Variants in BMPER observed in about 807,000 individuals in gnomAD.
The protein encoded by BMPER is BMP-binding endothelial regulator protein.
A neutral mutation model predicts 87.3 loss-of-function variants in BMPER; 45 were observed. The observed-to-expected ratio is 0.52, with a 90% confidence interval of 0.41 to 0.66. BMPER has a LOEUF of 0.66. Among genes scored for constraint, BMPER ranks in the 30% least tolerant of loss-of-function variants. The pLI, the probability that BMPER is intolerant of heterozygous loss-of-function variation, is 0.00. For synonymous variants in BMPER, 326 were observed against 316.2 expected, an observed-to-expected ratio of 1.03 and a Z score of -0.33; for missense variants, 784 against 867.5, an observed-to-expected ratio of 0.90 and a Z score of 1.21.
intron 11 of BMPER, among the ~76,000 whole-genome samples, chr7:34,072,508 T>G (rs1457683064): frequency 6.6e-6 from 1 of 151,842 alleles, no homozygotes; most frequent in Non-Finnish European, 1.5e-5. Context: ...TTCCTCCAGC[T>G]TCAAACTTGC....
intron 7 of BMPER, among the ~76,000 whole-genome samples, chr7:34,047,760 C>T (rs984676840): frequency 1.1e-4 from 2 of 18,160 alleles, no homozygotes; most frequent in South Asian, 3.9e-3. Context: ...CTTGGTGTTT[C>T]TGCTCCTGCT....
intron 6 of BMPER, among the ~76,000 whole-genome samples, chr7:34,013,745 T>G (rs1014304301): frequency 1.3e-5 from 2 of 151,850 alleles, no homozygotes; most frequent in African/African-American, 4.8e-5. Flanking sequence ...GGGTTAAGTT[T>G]GATTTGTGGG....
chr7:34,087,589 T>C (rs1414895778), intron 13 of BMPER, among the ~76,000 whole-genome samples: 1 of 152,208 alleles, frequency 6.6e-6, no homozygotes, highest in Non-Finnish European at 1.5e-5. Flanking sequence ...ATTATGAACA[T>C]GAATGCATGT....
intron 6 of BMPER, among the ~76,000 whole-genome samples, chr7:34,020,135 G>T (rs1018690028): frequency 2.6e-5 from 4 of 151,840 alleles, no homozygotes; most frequent in African/African-American, 9.7e-5. Context: ...GTGAAAGCAA[G>T]AGTTTGGGAA....
At chr7:34,121,979 T>G (rs1194911695) in intron 13 of BMPER, among the ~76,000 whole-genome samples, 1 of 151,452 alleles carries the variant, frequency 6.6e-6, no homozygotes, top group Admixed American at 6.6e-5. Flanking sequence ...TTTAATTAGC[T>G]GGGCATTGTG....
At chr7:33,975,228 A>ACCTTCTTGCTGAGGC (rs1363110825) in intron 6 of BMPER, among the ~76,000 whole-genome samples, 7 of 152,018 alleles carry the variant, frequency 4.6e-5, no homozygotes, top group African/African-American at 1.7e-4. Context: ...GGGGCTGAGG[A>ACCTTCTTGCTGAGGC]CCTTCTTGCT....
At chr7:33,932,836 G>T (rs4995178) in intron 2 of BMPER, among the ~76,000 whole-genome samples, 152,296 of 152,296 alleles carry the variant, frequency 1, 76,148 homozygotes, top group Non-Finnish European at 1. Context: ...CATTGGGGCT[G>T]GGAATAGAAC....
rs1785791668 is a variant in BMPER at position 33,979,606 on chromosome 7, G to A, written c.576+4822G>A. 2.0e-5 allele frequency among the ~76,000 whole-genome samples: 3 copies of A among 152,068 alleles called. No individual in the cohort carries two copies. The South Asian group carries it at 6.2e-4, about 32-fold the overall frequency. Reference sequence around the variant, plus strand: ...CTGAGACTTCTGCCCTTCCAAGCTGGCCAGCCTATTCTCGTCTGGGAGAGT... The same window carrying A: ...CTGAGACTTCTGCCCTTCCAAGCTGACCAGCCTATTCTCGTCTGGGAGAGT... On this transcript the variant is annotated intron_variant, in intron 6 of 14. Coordinates refer to ENST00000649409, the MANE Select transcript of BMPER (RefSeq NM_001365308.1).
rs1301318709 is a variant in BMPER at position 33,943,093 on chromosome 7, T to G, written c.319+5705T>G. Among the ~76,000 whole-genome samples, 4 of 152,264 alleles carry G rather than the reference T, an allele frequency of 2.6e-5. No individual in the cohort carries two copies. In the East Asian group the frequency reaches 5.8e-4, roughly 22 times the overall value. On this transcript the variant is annotated intron_variant, in intron 3 of 14. Coordinates refer to ENST00000649409, the MANE Select transcript of BMPER (RefSeq NM_001365308.1). ...TTTTAAATTTAATTAAACACTACAT[T>G]AATATATTATTGTACTAAAAAAGTT...
chr7:34,140,492 G>C (rs868111658), intron 13 of BMPER, among the ~76,000 whole-genome samples: 2 of 152,214 alleles, frequency 1.3e-5, no homozygotes, highest in Non-Finnish European at 2.9e-5. Flanking sequence ...TTCTCCATGA[G>C]TGGTTGATCA....
rs115552521 is a variant in BMPER at position 34,047,638 on chromosome 7, C to T, written c.676+1233C>T. On this transcript the variant is annotated intron_variant, in intron 7 of 14. Coordinates refer to ENST00000649409, the MANE Select transcript of BMPER (RefSeq NM_001365308.1). ...AAGTTGAGGTCAGACTATTAAGTTT[C>T]AAATAAGTATGGTGGCTTGAGCCAC... Among the ~76,000 whole-genome samples the T allele has an allele frequency of 4.8e-3, 730 of 152,118 alleles. 5 individuals are homozygous for T. The highest frequency in any genetic ancestry group is 0.017 in the African/African-American group (703 of 41,508).
chr7:34,047,005 A>G (rs186607231), intron 7 of BMPER, among the ~76,000 whole-genome samples: 3 of 151,270 alleles, frequency 2.0e-5, no homozygotes, highest in African/African-American at 7.3e-5. Flanking sequence ...ATGTGTAATG[A>G]AGGTGCTATT....
intron 13 of BMPER, among the ~76,000 whole-genome samples, chr7:34,141,073 G>A (rs970859858): frequency 2.6e-5 from 4 of 152,190 alleles, no homozygotes; most frequent in African/African-American, 9.7e-5. Flanking sequence ...TGAAGTCTGA[G>A]CGTAAATATG....
chr7:34,117,995 G>A (rs1287187202), intron 13 of BMPER, among the ~76,000 whole-genome samples: 1 of 152,078 alleles, frequency 6.6e-6, no homozygotes, highest in Non-Finnish European at 1.5e-5. Flanking sequence ...ACTTAACCGA[G>A]CTTTGAATTT....
At chr7:34,037,496 A>G (rs1787712001) in intron 6 of BMPER, among the ~76,000 whole-genome samples, 1 of 151,958 alleles carries the variant, frequency 6.6e-6, no homozygotes, top group Non-Finnish European at 1.5e-5. Context: ...GAAATATAGC[A>G]AACATGGTTA....
At position 33,914,158 on chromosome 7, in the gene BMPER, G is replaced by A. The variant is rs1169245589; in HGVS notation, c.219+7255G>A. Among the ~76,000 whole-genome samples the A allele has an allele frequency of 2.0e-5, 3 of 151,924 alleles. No homozygotes were observed. The South Asian group carries it at 6.2e-4, about 32-fold the overall frequency. ...TTTTTTGTATTTTTAGTAGAGACGG[G>A]GTTTCACCGTGTTAGCCAGGATGGT... On this transcript the variant is annotated intron_variant, in intron 2 of 14. Transcript: ENST00000649409.
intron 11 of BMPER, among the ~76,000 whole-genome samples, chr7:34,074,180 G>C (rs1788804228): frequency 1.3e-5 from 2 of 152,244 alleles, no homozygotes; most frequent in Non-Finnish European, 2.9e-5. Context: ...TTTATATACA[G>C]ATTGGTTACT....
intron 7 of BMPER, among the ~76,000 whole-genome samples, chr7:34,047,345 C>T (rs568769017): frequency 6.6e-6 from 1 of 152,072 alleles, no homozygotes; most frequent in South Asian, 2.1e-4. Context: ...GTGGTGTGAT[C>T]TTGGCTCGCT....
intron 14 of BMPER, among the ~76,000 whole-genome samples, chr7:34,144,572 G>A (rs1790970082): frequency 6.8e-6 from 1 of 146,412 alleles, no homozygotes; most frequent in Non-Finnish European, 1.5e-5. Context: ...CATGTGGAGA[G>A]GAAGGGAGAG....
Sources: gnomAD v4.1 joint callset for allele counts (sites outside exome capture counted in the v4.1 genomes callset) on GRCh38, gnomAD v4.1.1 for gene constraint, MANE v1.5 for transcripts, NCBI Gene and HGNC (gene_info 2026-07-23, HGNC 2026-07-21) for gene names.